CNTNAP5: variants seen among roughly 807,000 people sequenced by gnomAD.
CNTNAP5 encodes contactin associated protein family member 5.
CNTNAP5 carries 72 observed loss-of-function variants against 150.2 expected under a neutral mutation model. The ratio of observed to expected loss-of-function variants is 0.48; its 90% CI spans 0.40 to 0.58. CNTNAP5 has a LOEUF of 0.58. Ranked by LOEUF, CNTNAP5 falls within the 20% of genes least tolerant of loss-of-function variation. The pLI is 0.00. For synonymous variants in CNTNAP5, 672 were observed against 619.8 expected (o/e 1.08, Z -1.25); for missense variants, 1,636 against 1,626.2 (o/e 1.01, Z -0.10).
At chr2:124,745,574 T>C (rs1289103826) in intron 13 of CNTNAP5, among the ~76,000 whole-genome samples, 1 of 152,164 alleles carries the variant, frequency 6.6e-6, no homozygotes, top group African/African-American at 2.4e-5. Flanking sequence ...AAGAAAACAA[T>C]TCATGTGTAG....
At chr2:124,514,982 C>A (rs1364895125) in intron 8 of CNTNAP5, among the ~76,000 whole-genome samples, 1 of 152,154 alleles carries the variant, frequency 6.6e-6, no homozygotes, top group Non-Finnish European at 1.5e-5. Flanking sequence ...TTCAAGTCTA[C>A]CAAGGAAACC....
intron 6 of CNTNAP5, among the ~76,000 whole-genome samples, chr2:124,449,701 C>T (rs1692918462): frequency 1.3e-5 from 2 of 152,182 alleles, no homozygotes; most frequent in African/African-American, 4.8e-5. Context: ...TGAAACGTTT[C>T]TCTGAAGTAA....
chr2:124,765,018 C>T (rs754918457), intron 16 of CNTNAP5, among the ~76,000 whole-genome samples: 26 of 151,966 alleles, frequency 1.7e-4, no homozygotes, highest in Middle Eastern at 3.4e-3. Flanking sequence ...TGCTCATGTC[C>T]ATTTATCTTA....
At chr2:124,316,890 C>T (rs995047089) in intron 3 of CNTNAP5, among the ~76,000 whole-genome samples, 17 of 150,796 alleles carry the variant, frequency 1.1e-4, no homozygotes, top group African/African-American at 4.1e-4. Context: ...TCCTGTATGC[C>T]AAGGTCTACA....
At chr2:124,805,813 C>G (rs1263133039) in intron 19 of CNTNAP5, among the ~76,000 whole-genome samples, 2 of 152,154 alleles carry the variant, frequency 1.3e-5, no homozygotes, top group African/African-American at 4.8e-5. Flanking sequence ...GGCCACCTTT[C>G]CCTGTGTGCT....
In CNTNAP5 at chr2:124,860,672, C is replaced by T. The variant is rs543761704; in HGVS notation, c.3218-4634C>T. 3.3e-5 allele frequency among the ~76,000 whole-genome samples: 5 copies of T among 152,058 alleles called. No homozygotes were observed. In the South Asian group the frequency reaches 6.2e-4, roughly 19 times the overall value. ...AGAACCAATGAGATATGTCCTGGCTCCCAAGGATTTTATTGATTTGTGCGA... is the reference window on the plus strand; with the variant it reads ...AGAACCAATGAGATATGTCCTGGCTTCCAAGGATTTTATTGATTTGTGCGA... On this transcript the variant is annotated intron_variant, in intron 19 of 23. Transcript: ENST00000682447.
intron 1 of CNTNAP5, among the ~76,000 whole-genome samples, chr2:124,028,314 T>TTA (rs1553430551): frequency 6.6e-6 from 1 of 150,738 alleles, no homozygotes; most frequent in Non-Finnish European, 1.5e-5. Flanking sequence ...TGTGTGTGTT[T>TTA]TGTGTGTGTG....
chr2:124,720,352 T>G (rs1196395668), intron 13 of CNTNAP5, among the ~76,000 whole-genome samples: 1 of 152,206 alleles, frequency 6.6e-6, no homozygotes, highest in Non-Finnish European at 1.5e-5. Context: ...CTTCCCCCTT[T>G]GACTATTTTC....
intron 12 of CNTNAP5, among the ~76,000 whole-genome samples, chr2:124,628,540 C>A (rs1388828105): frequency 6.6e-6 from 1 of 152,168 alleles, no homozygotes; most frequent in South Asian, 2.1e-4. Flanking sequence ...ACCAGCAGGC[C>A]TGCCTTGCAA....
chr2:124,436,494 G>C (rs1692534762), intron 5 of CNTNAP5, among the ~76,000 whole-genome samples: 1 of 152,158 alleles, frequency 6.6e-6, no homozygotes, highest in Admixed American at 6.6e-5. Context: ...GTCTTGCAGA[G>C]TATGGACATG....
intron 6 of CNTNAP5, among the ~76,000 whole-genome samples, chr2:124,452,321 C>T (rs866607017): frequency 6.6e-6 from 1 of 152,076 alleles, no homozygotes; most frequent in South Asian, 2.1e-4. Flanking sequence ...CACCCATAAT[C>T]CTTCTAGGAA....
chr2:124,267,175 C>T (rs1017237081), intron 3 of CNTNAP5, among the ~76,000 whole-genome samples: 31 of 152,270 alleles, frequency 2.0e-4, no homozygotes, highest in African/African-American at 6.5e-4. Context: ...GGGTGTCCCA[C>T]TGCCATCTCA....
chr2:124,510,855 C>T (rs1229104154), intron 8 of CNTNAP5, among the ~76,000 whole-genome samples: 7 of 152,140 alleles, frequency 4.6e-5, no homozygotes, highest in African/African-American at 1.7e-4. Context: ...TCTTGCTGGA[C>T]TGTGAACCTT....
chr2:124,414,929 G>A (rs78840420), intron 3 of CNTNAP5, among the ~76,000 whole-genome samples: 1,542 of 152,246 alleles, frequency 0.01, 27 homozygotes, highest in Middle Eastern at 0.037. Context: ...AGGTTCCACA[G>A]TTAGGCTGTA....
At chr2:124,624,886 G>T (rs752171495) in intron 12 of CNTNAP5, among the ~76,000 whole-genome samples, 2 of 152,154 alleles carry the variant, frequency 1.3e-5, no homozygotes, top group African/African-American at 2.4e-5. Context: ...CTGGTATTAG[G>T]CACCATGCTA....
At chr2:124,432,942 C>T (rs1224392042) in intron 4 of CNTNAP5, among the ~76,000 whole-genome samples, 1 of 152,234 alleles carries the variant, frequency 6.6e-6, no homozygotes, top group South Asian at 2.1e-4. Flanking sequence ...GTGCCATGCA[C>T]AATGAGTTCA....
chr2:124,829,882 A>G (rs1411134362), intron 19 of CNTNAP5, among the ~76,000 whole-genome samples: 3 of 152,048 alleles, frequency 2.0e-5, no homozygotes, highest in South Asian at 4.1e-4. Flanking sequence ...AATTAGAATC[A>G]TGACTGACAG....
Position 124,847,520 on chromosome 2 carries a change from G to T in CNTNAP5, c.3218-17786G>T, listed in dbSNP as rs1683073915. Among the ~76,000 whole-genome samples the T allele has an allele frequency of 2.6e-5, 4 of 152,182 alleles. No individual in the cohort carries two copies. The South Asian group carries it at 8.3e-4, about 32-fold the overall frequency. On this transcript the variant is annotated intron_variant, in intron 19 of 23. Coordinates refer to ENST00000682447, the MANE Select transcript of CNTNAP5 (RefSeq NM_001367498.1). ...CCAGGCAGCCAGAGACCAGGGCTGA[G>T]AACTTGCCCCAAACTATGAGTTTCC...
intron 13 of CNTNAP5, 42 bp downstream of exon 13, chr2:124,648,000 C>A (rs1370562699): frequency 1.3e-6 from 2 of 1,534,374 alleles, no homozygotes; most frequent in Admixed American, 2.0e-5. Context: ...ATAGATGGGA[C>A]CCTCAGACCT....
Sources: gnomAD v4.1 joint callset for allele counts (sites outside exome capture counted in the v4.1 genomes callset) on GRCh38, gnomAD v4.1.1 for gene constraint, MANE v1.5 for transcripts, NCBI Gene and HGNC (gene_info 2026-07-23, HGNC 2026-07-21) for gene names.